QDPR: variants seen among roughly 807,000 people sequenced by gnomAD.
QDPR encodes the protein dihydropteridine reductase.
In QDPR, 23 loss-of-function variants were observed where a neutral mutation model predicts 31.7. The observed-to-expected ratio is 0.73, with a 90% CI of 0.52 to 1.03. The LOEUF (loss-of-function observed/expected upper bound fraction) is 1.03. Among genes scored for constraint, QDPR ranks in the 50% least tolerant of loss-of-function variants. The pLI is 0.00. For missense variants in QDPR, 324 were observed against 323.8 expected (o/e 1.00, Z 0.00); for synonymous variants, 124 against 124.7 (o/e 0.99, Z 0.03).
chr4:17,510,565 C>A (rs1718969029), intron 1 of QDPR, among the ~76,000 whole-genome samples: 1 of 152,126 alleles, frequency 6.6e-6, no homozygotes, highest in Non-Finnish European at 1.5e-5. Context: ...TCATCCTAGC[C>A]CTCCCTAAGA....
intron 1 of QDPR, 62 bp from the exon 2 acceptor site, chr4:17,509,425 A>G: frequency 6.9e-7 from 1 of 1,458,006 alleles, no homozygotes; most frequent in Non-Finnish European, 9.6e-7. Context: ...AAAGAGTCAC[A>G]CATAGAAATG....
At position 17,488,583 on chromosome 4, in the gene QDPR, CA is replaced by C. The variant is rs542991537; in HGVS notation, c.630-1348del. 2.6e-5 allele frequency among the ~76,000 whole-genome samples: 4 copies of C among 152,258 alleles called. No homozygotes were observed. In the South Asian group the frequency reaches 8.3e-4, roughly 32 times the overall value. On this transcript the variant is annotated intron_variant, in intron 6 of 6. Transcript: ENST00000281243. ...CTAAGAAGACAGGAATGAAAAAGGG[CA>C]AAAGAAATTCACAAGAAACAAGAAG...
chr4:17,491,927 G>T (rs1405608383), intron 5 of QDPR, among the ~76,000 whole-genome samples: 2 of 152,156 alleles, frequency 1.3e-5, no homozygotes, highest in Non-Finnish European at 2.9e-5. Context: ...CATATAGAAG[G>T]CGCCATCTAT....
At chr4:17,499,598 C>T (rs999570819) in intron 4 of QDPR, among the ~76,000 whole-genome samples, 6 of 152,178 alleles carry the variant, frequency 3.9e-5, no homozygotes, top group Non-Finnish European at 7.3e-5. Context: ...CTAGTAGTCA[C>T]AGCCTCACAG....
At chr4:17,494,873 A>G (rs1238354167) in intron 4 of QDPR, among the ~76,000 whole-genome samples, 1 of 152,232 alleles carries the variant, frequency 6.6e-6, no homozygotes, top group African/African-American at 2.4e-5. Flanking sequence ...GTGGTAACTC[A>G]GATCACAATT....
At chr4:17,503,710 G>C (rs1577192688) in intron 3 of QDPR, among the ~76,000 whole-genome samples, 1 of 152,334 alleles carries the variant, frequency 6.6e-6, no homozygotes, top group South Asian at 2.1e-4. Flanking sequence ...AGCACTTTGG[G>C]AGGCTGAAGG....
intron 4 of QDPR, among the ~76,000 whole-genome samples, chr4:17,499,548 C>T (rs1269888509): frequency 6.6e-6 from 1 of 152,174 alleles, no homozygotes; most frequent in Non-Finnish European, 1.5e-5. Flanking sequence ...ACATCACATG[C>T]TCTAAGAAAT....
rs539943955 is a variant in QDPR at position 17,496,148 on chromosome 4, T to C, written c.437-3808A>G. Reference sequence around the variant, plus strand: ...GGTGGCCACTCAAAAACTGTGGGAATGAAAAAACAAACTGGGGCCAGGTGC... The same window carrying C: ...GGTGGCCACTCAAAAACTGTGGGAACGAAAAAACAAACTGGGGCCAGGTGC... On this transcript the variant is annotated intron_variant, in intron 4 of 6. Coordinates refer to ENST00000281243, the MANE Select transcript of QDPR (RefSeq NM_000320.3). Among the ~76,000 whole-genome samples, 8 of 151,634 alleles carry C rather than the reference T, an allele frequency of 5.3e-5. No individual in the cohort carries two copies. In the South Asian group the frequency reaches 1.7e-3, roughly 32 times the overall value.
chr4:17,486,663 T>G lies in QDPR; in HGVS notation c.*468A>C, dbSNP rs699460. On this transcript the variant is annotated 3_prime_UTR_variant, in exon 7 of 7. Transcript: ENST00000281243. ...AAAGGATACCAGGACAGAGTCCATGTAGTTTTGCTTATACCACAAAAGGAG... is the reference window on the plus strand; with the variant it reads ...AAAGGATACCAGGACAGAGTCCATGGAGTTTTGCTTATACCACAAAAGGAG... 0.66 allele frequency: 122,713 copies of G among 187,164 alleles called. 40,738 individuals carry two copies. Among genetic ancestry groups the G allele is most frequent in the East Asian group, 0.76 (6,089 of 7,986 alleles). 11.6% of individuals were successfully genotyped at this position (187,164 alleles called of 1,614,324 possible).
Position 17,487,195 on chromosome 4 carries a change from G to A in QDPR, c.671C>T (p.Ser224Leu). 6.2e-7 allele frequency: 1 copy of A among 1,614,118 alleles called. No individual in the cohort carries two copies. The highest frequency in any genetic ancestry group is 8.5e-7 in the Non-Finnish European group (1 of 1,180,022). ...DWITGKNRPS[S>L]GSLIQVVTTE... is the part of the protein sequence containing the mutation. ...GGTTACCACCTGGATTAGGCTTCCT[G>A]AGCTCGGTCGGTTTTTCCCTGTGAT... is the stretch of plus-strand genomic sequence containing the variant. The change falls in exon 7 of 7, where the codon TCA becomes TTA. Residue 224 changes from serine (S) to leucine (L), a missense_variant. Ser to Leu is a moderately radical substitution (Grantham distance 145). Transcript: ENST00000281243.
rs776939557 is a variant in QDPR, at chr4:17,509,352, G to A, written c.117C>T (p.Ser39=). 29 of 1,613,470 alleles carry A rather than the reference G, an allele frequency of 1.8e-5. No homozygotes were observed. The highest frequency in any genetic ancestry group is 2.7e-5 in the African/African-American group (2 of 74,866). Residue 39 remains serine, a synonymous_variant, in exon 2 of 7, where the codon AGC becomes AGT. Coordinates refer to ENST00000281243, the MANE Select transcript of QDPR (RefSeq NM_000320.3). ...AFRARNWWVA[S]VDVVENEEAS... ...CCTCTTCATTCTCCACCACATCAAC[G>A]CTGGCAACCCACTGGAAGGAGAAAA...
intron 6 of QDPR, among the ~76,000 whole-genome samples, chr4:17,489,858 C>T (rs1389766368): frequency 1.3e-5 from 2 of 152,182 alleles, no homozygotes; most frequent in East Asian, 3.9e-4. Flanking sequence ...TATAAACAGT[C>T]GTCAAAGCAG....
At chr4:17,509,450 G>A in intron 1 of QDPR, 87 bp from the exon 2 acceptor site, 1 of 1,185,958 alleles carries the variant, frequency 8.4e-7, no homozygotes, top group South Asian at 1.2e-5. Context: ...GAGTTGGCCA[G>A]GTGTAGTGGT....
intron 4 of QDPR, among the ~76,000 whole-genome samples, chr4:17,493,327 C>T (rs752123760): frequency 1.3e-5 from 2 of 151,956 alleles, no homozygotes; most frequent in Non-Finnish European, 1.5e-5. Flanking sequence ...CCCGGCTACT[C>T]GGGAGGCTGA....
At chr4:17,494,290 T>C (rs991152955) in intron 4 of QDPR, among the ~76,000 whole-genome samples, 1 of 152,202 alleles carries the variant, frequency 6.6e-6, no homozygotes, top group Non-Finnish European at 1.5e-5. Context: ...CCCTTCAGCC[T>C]GGTTTTTCCC....
At position 17,511,920 on chromosome 4, in the gene QDPR, A is replaced by G. The variant is rs374627229; in HGVS notation, c.105+30T>C. The G allele has an allele frequency of 3.0e-4, 474 of 1,600,308 alleles. 1 individual carries two copies. Among genetic ancestry groups the G allele is most frequent in the Middle Eastern group, 2.8e-3 (17 of 5,984 alleles). ...CGAAAGCCCCCGGCCACCCCCGCGG[A>G]GACCCAGCAGCCCCAGCCCGCAGCA... On this transcript the variant is annotated intron_variant, in intron 1 of 6. Transcript: ENST00000281243.
chr4:17,490,768 C>T (rs144306778), intron 5 of QDPR, 23 bp from the exon 6 acceptor site: 33 of 1,592,680 alleles, frequency 2.1e-5, no homozygotes, highest in African/African-American at 1.7e-4. Context: ...CAGATAAGCA[C>T]GTCATTCATG....
Position 17,504,400 on chromosome 4 carries a change from C to T in QDPR, c.274G>A (p.Gly92Arg), listed in dbSNP as rs757963200. 48 of 1,613,936 alleles carry T rather than the reference C, an allele frequency of 3.0e-5. 1 individual carries two copies. The highest frequency in any genetic ancestry group is 3.3e-5 in the Admixed American group (2 of 60,002). The change falls in exon 3 of 7, where the codon GGG becomes AGG. Residue 92 changes from glycine (G) to arginine (R), a missense_variant. By Grantham distance (125) the Gly-to-Arg change is moderately radical. Coordinates refer to ENST00000281243, the MANE Select transcript of QDPR (RefSeq NM_000320.3). ...AILCVAGGWA[G>R]GNAKSKSLFK... The stretch of plus-strand genomic sequence containing the variant: ...TCACACTTGGATTTGGCATTGCCCC[C>T]GGCCCATCCTCCAGCAACGCAAAGA...
At chr4:17,491,106 A>C (rs1718150190) in intron 5 of QDPR, among the ~76,000 whole-genome samples, 1 of 152,218 alleles carries the variant, frequency 6.6e-6, no homozygotes, top group Non-Finnish European at 1.5e-5. Context: ...CAGCACACTC[A>C]TTTCTAAGGA....
Sources: allele counts gnomAD v4.1 joint callset (sites outside exome capture counted in the v4.1 genomes callset), GRCh38; gene constraint gnomAD v4.1.1; transcripts MANE v1.5; gene names NCBI Gene and HGNC (gene_info 2026-07-23, HGNC 2026-07-21).